PDIA4: variants seen among roughly 807,000 people sequenced by gnomAD.
PDIA4 encodes protein disulfide-isomerase A4.
PDIA4 carries 33 observed loss-of-function variants against 62.1 expected under a neutral mutation model. The observed-to-expected ratio is 0.53, with a 90% confidence interval of 0.40 to 0.71. The LOEUF (loss-of-function observed/expected upper bound fraction) is 0.71. Ranked by LOEUF, PDIA4 falls within the 30% of genes least tolerant of loss-of-function variation. The pLI, the probability that PDIA4 is intolerant of heterozygous loss-of-function variation, is 0.00. For synonymous variants in PDIA4, 341 were observed against 324.1 expected, an observed-to-expected ratio of 1.05 and a Z score of -0.56; for missense variants, 804 against 813.6, an observed-to-expected ratio of 0.99 and a Z score of 0.14.
At chr7:149,027,151 A>G (rs1824586343) in intron 1 of PDIA4, among the ~76,000 whole-genome samples, 1 of 152,216 alleles carries the variant, frequency 6.6e-6, no homozygotes, top group Non-Finnish European at 1.5e-5. Context: ...CTTAAAACGC[A>G]GATTCCGGGG....
chr7:149,027,066 C>T (rs1275136301), intron 1 of PDIA4, among the ~76,000 whole-genome samples: 2 of 152,192 alleles, frequency 1.3e-5, no homozygotes, highest in Non-Finnish European at 2.9e-5. Flanking sequence ...TTCCAAAAAG[C>T]ATCTTCCACC....
At position 149,006,921 on chromosome 7, in the gene PDIA4, T is replaced by C. The variant is rs549482327; in HGVS notation, c.1132-868A>G. Among the ~76,000 whole-genome samples the C allele has an allele frequency of 1.2e-3, 183 of 152,298 alleles. 1 individual carries two copies. The highest frequency in any genetic ancestry group is 3.9e-3 in the African/African-American group (162 of 41,552). On this transcript the variant is annotated intron_variant, in intron 7 of 9. Transcript: ENST00000652332. ...AATGTGCCCAACAGACAAGACTGCA[T>C]AGATCTTGAAGCGTCTACTGAAAGC...
At chr7:149,021,987 T>G (rs1824370885) in intron 1 of PDIA4, among the ~76,000 whole-genome samples, 1 of 152,174 alleles carries the variant, frequency 6.6e-6, no homozygotes, top group Non-Finnish European at 1.5e-5. Context: ...TGCCGCCTCC[T>G]CCTCACCCTG....
intron 1 of PDIA4, among the ~76,000 whole-genome samples, chr7:149,022,904 C>A (rs1824405681): frequency 3.3e-5 from 5 of 152,230 alleles, no homozygotes. Context: ...ACACTAGTCA[C>A]CCGCACTCAG....
At position 149,028,480 on chromosome 7, in the gene PDIA4, G is replaced by T. The variant is rs184702376; in HGVS notation, c.-72C>A. 3 of 1,079,626 alleles carry T rather than the reference G, an allele frequency of 2.8e-6. No homozygotes were observed. Among genetic ancestry groups the T allele is most frequent in the Non-Finnish European group, 3.8e-6 (3 of 789,058 alleles). The allele number at this position is 1,079,626 out of a possible 1,614,324, so 66.9% of individuals were successfully genotyped here. The stretch of plus-strand genomic sequence containing the variant: ...CGCACCGAGAACTCGGGGTCTGGCC[G>T]ACAGCCCGTCGCTCCTTAGCGACGC... On this transcript the variant is annotated 5_prime_UTR_variant, in exon 1 of 10. Transcript: ENST00000652332.
rs746659640 is a variant in PDIA4, at chr7:149,004,013, C to T, written c.1719G>A (p.Lys573=). ...PVYNSLAKKY[K]GQKGLVIAKM... ...TGGCGATGACCAGGCCCTTTTGGCC[C>T]TTGTACTTCTTGGCCAGGCTGTTGT... The change falls in exon 10 of 10, where the codon AAG becomes AAA. Residue 573 remains lysine (K), a synonymous_variant. Transcript: ENST00000652332. The T allele has an allele frequency of 5.0e-6, 8 of 1,614,110 alleles. No individual in the cohort carries two copies. In the East Asian group the frequency reaches 1.8e-4, roughly 36 times the overall value.
chr7:149,006,691 G>A lies in PDIA4; in HGVS notation c.1132-638C>T, dbSNP rs80203427. Among the ~76,000 whole-genome samples, 43 of 152,322 alleles carry A rather than the reference G, an allele frequency of 2.8e-4. 1 individual carries two copies. The East Asian group carries it at 5.8e-3, about 21-fold the overall frequency. On this transcript the variant is annotated intron_variant, in intron 7 of 9. Transcript: ENST00000652332. ...GGCAGCAGAGACTGAGGCAGGGCAC[G>A]AGGCACAAACAGGATCTGGCGTGAC...
At chr7:149,013,986 T>C (rs1824039881) in intron 4 of PDIA4, among the ~76,000 whole-genome samples, 2 of 152,148 alleles carry the variant, frequency 1.3e-5, no homozygotes. Flanking sequence ...CTCTCCAGCA[T>C]CGCAAGGGGG....
At chr7:149,016,972 G>A (rs191265963) in intron 3 of PDIA4, among the ~76,000 whole-genome samples, 46 of 152,210 alleles carry the variant, frequency 3.0e-4, no homozygotes, top group African/African-American at 9.2e-4. Context: ...CTTTGTATAC[G>A]CCACAGTGAG....
chr7:149,014,081 T>C (rs560939386), intron 4 of PDIA4, among the ~76,000 whole-genome samples: 2 of 152,340 alleles, frequency 1.3e-5, no homozygotes, highest in East Asian at 3.9e-4. Context: ...CTGACTTCAC[T>C]TTTCATCTGC....
intron 1 of PDIA4, among the ~76,000 whole-genome samples, chr7:149,024,798 G>A (rs1315264296): frequency 8.2e-6 from 1 of 122,640 alleles, no homozygotes; most frequent in African/African-American, 3.3e-5. Context: ...CCTGGCGACC[G>A]AGCAAGACTG....
intron 2 of PDIA4, among the ~76,000 whole-genome samples, chr7:149,020,123 C>G (rs142778368): frequency 6.6e-6 from 1 of 152,050 alleles, no homozygotes; most frequent in Non-Finnish European, 1.5e-5. Flanking sequence ...AACCACCATG[C>G]CTAATTTTTG....
rs1280248342 is a variant in PDIA4 at position 149,011,948 on chromosome 7, G to A, written c.877C>T (p.Leu293=). The change falls in exon 6 of 10, where the codon CTG becomes TTG. Residue 293 remains leucine, a synonymous_variant. Coordinates refer to ENST00000652332, the MANE Select transcript of PDIA4 (RefSeq NM_004911.5). The part of the protein sequence containing the change: ...SGPPSKEILT[L]KQVQEFLKDG... ...TTCAGGAACTCCTGGACCTGCTTCA[G>A]GGTCAGAATCTCCTTGGAGGGAGGC... is the stretch of plus-strand genomic sequence containing the variant. The A allele has an allele frequency of 3.1e-6, 5 of 1,609,862 alleles. No homozygotes were observed. Among genetic ancestry groups the A allele is most frequent in the Non-Finnish European group, 4.2e-6 (5 of 1,177,758 alleles).
At chr7:149,026,292 G>A (rs1005553391) in intron 1 of PDIA4, among the ~76,000 whole-genome samples, 19 of 152,256 alleles carry the variant, frequency 1.2e-4, no homozygotes, top group Admixed American at 9.8e-4. Context: ...GGAGTTTAAG[G>A]ATGGAGGATT....
At chr7:149,006,738 C>A (rs1472769092) in intron 7 of PDIA4, among the ~76,000 whole-genome samples, 1 of 152,176 alleles carries the variant, frequency 6.6e-6, no homozygotes, top group Non-Finnish European at 1.5e-5. Flanking sequence ...GTGGGATGTG[C>A]TGAAAAGGTG....
rs749074439 is a variant in PDIA4, at chr7:149,021,083, CTCA to C, written c.150_152del (p.Asp50del). On this transcript the variant is annotated inframe_deletion, in exon 2 of 10. Coordinates refer to ENST00000652332, the MANE Select transcript of PDIA4 (RefSeq NM_004911.5). ...CCTTAACTTCCAAGTCGTCTTCTTC[CTCA>C]TCATCATCTTCCTCCTCCTCCTCCT... is the stretch of plus-strand genomic sequence containing the variant. 313 of 1,613,320 alleles carry C rather than the reference CTCA, an allele frequency of 1.9e-4. 2 individuals are homozygous for C. The African/African-American group carries it at 2.8e-3, about 14-fold the overall frequency.
chr7:149,010,099 A>G lies in PDIA4; in HGVS notation c.979+1747T>C, dbSNP rs142928018. 2.7e-3 allele frequency among the ~76,000 whole-genome samples: 415 copies of G among 152,254 alleles called. 2 individuals carry two copies. Among genetic ancestry groups the G allele is most frequent in the African/African-American group, 9.6e-3 (397 of 41,540 alleles). ...CAGAGTCAGATGGACTTAGATTCAT[A>G]TGATAGGTTTGTGACCTACTAACTG... On this transcript the variant is annotated intron_variant, in intron 6 of 9. Transcript: ENST00000652332.
chr7:149,027,968 G>A (rs1476539364), intron 1 of PDIA4: 1 of 515,724 alleles, frequency 1.9e-6, no homozygotes, highest in South Asian at 1.5e-5. Flanking sequence ...CGTTCGCCTG[G>A]AGTTAGCCTG....
At chr7:149,012,430 C>T (rs1482512222) in intron 4 of PDIA4, 70 bp from the exon 5 acceptor site, 2 of 1,341,134 alleles carry the variant, frequency 1.5e-6, no homozygotes, top group African/African-American at 2.9e-5. Context: ...AAATGAGCTG[C>T]AGAAACCCAT....
Sources: allele counts gnomAD v4.1 joint callset (sites outside exome capture counted in the v4.1 genomes callset), GRCh38; gene constraint gnomAD v4.1.1; transcripts MANE v1.5; gene names NCBI Gene and HGNC (gene_info 2026-07-23, HGNC 2026-07-21).